Variants in OPRM1 observed in about 807,000 individuals in gnomAD.
OPRM1 encodes the protein opioid receptor mu 1, also known as mu-type opioid receptor.
In OPRM1, 27 loss-of-function variants were observed where a neutral mutation model predicts 31.8. The ratio of observed to expected loss-of-function variants is 0.85; its 90% CI spans 0.63 to 1.17. The LOEUF is 1.17. Among genes scored for constraint, OPRM1 ranks in the 50% most tolerant of loss-of-function variants. The pLI is 0.00. For synonymous variants in OPRM1, 196 were observed against 189.9 expected (o/e 1.03, Z -0.26); for missense variants, 536 against 511.1 (o/e 1.05, Z -0.47).
In OPRM1 at chr6:154,039,571, C is replaced by A. The variant is rs745863104; in HGVS notation, c.27C>A (p.Asn9Lys). The A allele has an allele frequency of 7.4e-6, 12 of 1,613,088 alleles. No homozygotes were observed. In the Admixed American group the frequency reaches 1.8e-4, roughly 25 times the overall value. The change falls in exon 1 of 4, where the codon AAC becomes AAA. Residue 9 changes from asparagine (N) to lysine (K), a missense_variant. Asn to Lys is a moderately conservative substitution (Grantham distance 94). Transcript: ENST00000330432. MDSSAAPT[N>K]ASNCTDALAY... ...TGGACAGCAGCGCTGCCCCCACGAA[C>A]GCCAGCAATTGCACTGATGCCTTGG... is the stretch of plus-strand genomic sequence containing the variant.
intron 3 of OPRM1, among the ~76,000 whole-genome samples, chr6:154,099,770 A>G (rs924468547): frequency 1.3e-5 from 2 of 148,270 alleles, no homozygotes; most frequent in African/African-American, 5.0e-5. Flanking sequence ...GAGAGTTTTC[A>G]TAATAAACAT....
At chr6:154,033,148 G>A (rs1297080558) in intron 1 of OPRM1, among the ~76,000 whole-genome samples, 2 of 152,122 alleles carry the variant, frequency 1.3e-5, no homozygotes, top group African/African-American at 4.8e-5. Context: ...TTGTCAGGGT[G>A]GGAAAGTAAT....
intron 3 of OPRM1, among the ~76,000 whole-genome samples, chr6:154,161,426 G>A (rs117542427): frequency 0.016 from 2,473 of 151,882 alleles, 27 homozygotes; most frequent in Non-Finnish European, 0.026. Context: ...GACCAAGCTG[G>A]TCTCAAACTC....
chr6:154,149,060 G>A (rs1798428323), intron 3 of OPRM1, among the ~76,000 whole-genome samples: 1 of 152,086 alleles, frequency 6.6e-6, no homozygotes, highest in African/African-American at 2.4e-5. Flanking sequence ...AAGGACTAGG[G>A]GAATTGCCTG....
At chr6:154,031,232 A>G (rs1460144864) in intron 1 of OPRM1, among the ~76,000 whole-genome samples, 3 of 152,222 alleles carry the variant, frequency 2.0e-5, no homozygotes, top group Non-Finnish European at 2.9e-5. Context: ...TTTTACTAAA[A>G]GTGCTTAAAG....
At chr6:154,109,755 C>T (rs1049228116) in intron 3 of OPRM1, among the ~76,000 whole-genome samples, 1 of 146,940 alleles carries the variant, frequency 6.8e-6, no homozygotes, top group East Asian at 2.0e-4. Flanking sequence ...GTGAAAAGCC[C>T]TACTCTCTCT....
At chr6:154,246,209 T>C (rs2128642355) in intron 3 of OPRM1, among the ~76,000 whole-genome samples, 1 of 152,224 alleles carries the variant, frequency 6.6e-6, no homozygotes, top group East Asian at 1.9e-4. Context: ...TGAAGCCGAG[T>C]CTCCTTTTAG....
chr6:154,220,668 T>A (rs540892577), intron 3 of OPRM1, among the ~76,000 whole-genome samples: 1 of 152,212 alleles, frequency 6.6e-6, no homozygotes, highest in African/African-American at 2.4e-5. Context: ...AAATAACAGC[T>A]ATTGTGATCA....
chr6:154,159,878 G>C, intron 3 of OPRM1: 1 of 1,612,346 alleles, frequency 6.2e-7, no homozygotes, highest in South Asian at 1.1e-5. Context: ...TTGAGTTCCT[G>C]GGGGGTGTCA....
At chr6:154,111,797 C>T (rs1039701630) in intron 3 of OPRM1, among the ~76,000 whole-genome samples, 37 of 152,198 alleles carry the variant, frequency 2.4e-4, no homozygotes, top group African/African-American at 8.7e-4. Context: ...GACCGAGTCT[C>T]GCTCTGTCGC....
intron 3 of OPRM1, among the ~76,000 whole-genome samples, chr6:154,222,752 G>A (rs1252952814): frequency 6.6e-6 from 1 of 152,186 alleles, no homozygotes; most frequent in East Asian, 1.9e-4. Flanking sequence ...TCAATTCCAA[G>A]TGTGCATCTG....
intron 1 of OPRM1, among the ~76,000 whole-genome samples, chr6:154,057,775 G>A (rs899968394): frequency 7.9e-5 from 12 of 152,034 alleles, no homozygotes; most frequent in Non-Finnish European, 1.3e-4. Flanking sequence ...CATTCCTTTC[G>A]GACATTTGTT....
At chr6:154,200,629 G>A (rs926351379) in intron 3 of OPRM1, among the ~76,000 whole-genome samples, 2 of 152,092 alleles carry the variant, frequency 1.3e-5, no homozygotes, top group African/African-American at 2.4e-5. Flanking sequence ...ACTGAGGCAG[G>A]AGAATCACTT....
intron 1 of OPRM1, among the ~76,000 whole-genome samples, chr6:154,013,061 T>C (rs1324387786): frequency 6.6e-6 from 1 of 152,170 alleles, no homozygotes; most frequent in African/African-American, 2.4e-5. Context: ...AGCATATGAA[T>C]GAATTTGTTT....
intron 3 of OPRM1, among the ~76,000 whole-genome samples, chr6:154,181,687 G>T (rs17085144): frequency 6.6e-6 from 1 of 152,108 alleles, no homozygotes; most frequent in Non-Finnish European, 1.5e-5. Flanking sequence ...TGCTGCTGAG[G>T]TTCCCAGGTT....
At position 154,109,792 on chromosome 6, in the gene OPRM1, CTGTGTGTGTGTG is replaced by C. The variant is rs377400514; in HGVS notation, c.1165-8861_1165-8850del. Reference sequence around the variant, plus strand: ...CCTCTCTCTCTCTCTCTCTCTCTCTCTGTGTGTGTGTGTGTGTGTGTGTGTGTGTGTGTGTGT... The same window carrying C: ...CCTCTCTCTCTCTCTCTCTCTCTCTCTGTGTGTGTGTGTGTGTGTGTGTGT... On this transcript the variant is annotated intron_variant, in intron 3 of 3. Coordinates refer to ENST00000330432, the MANE Select transcript of OPRM1 (RefSeq NM_000914.5). Among the ~76,000 whole-genome samples the C allele has an allele frequency of 3.7e-4, 37 of 101,198 alleles. 1 individual carries two copies. Among genetic ancestry groups the C allele is most frequent in the Non-Finnish European group, 1.2e-4 (6 of 48,454 alleles). The allele number at this position is 101,198 out of a possible 152,430, so 66.4% of individuals were successfully genotyped here.
intron 1 of OPRM1, among the ~76,000 whole-genome samples, chr6:154,024,335 C>T: frequency 6.6e-6 from 1 of 152,020 alleles, no homozygotes; most frequent in East Asian, 1.9e-4. Context: ...TATAGCTGCT[C>T]ATAGTAGCCA....
At chr6:154,102,064 T>C (rs1321504603) in intron 3 of OPRM1, among the ~76,000 whole-genome samples, 2 of 152,120 alleles carry the variant, frequency 1.3e-5, no homozygotes, top group Non-Finnish European at 2.9e-5. Context: ...CTCAGCCTCC[T>C]GAGTAGCTAA....
At chr6:154,067,856 G>A (rs993228214) in intron 1 of OPRM1, among the ~76,000 whole-genome samples, 6 of 152,014 alleles carry the variant, frequency 3.9e-5, no homozygotes, top group Non-Finnish European at 5.9e-5. Flanking sequence ...TTCTTGCTGT[G>A]AAACATTTAT....
Sources: allele counts gnomAD v4.1 joint callset (sites outside exome capture counted in the v4.1 genomes callset), GRCh38; gene constraint gnomAD v4.1.1; transcripts MANE v1.5; gene names NCBI Gene and HGNC (gene_info 2026-07-23, HGNC 2026-07-21).